The following SUGCT variants were observed in gnomAD, a reference collection of about 807,000 sequenced individuals.
SUGCT encodes the protein succinyl-CoA:glutarate-CoA transferase.
SUGCT carries 41 observed loss-of-function variants against 55.0 expected under a neutral mutation model. That is an observed-to-expected ratio of 0.74 (90% CI 0.58 to 0.97). SUGCT has a LOEUF of 0.97. Among genes scored for constraint, SUGCT ranks in the 50% least tolerant of loss-of-function variants. The pLI is 0.00. For missense variants in SUGCT, 568 were observed against 547.8 expected (o/e 1.04, Z -0.37); for synonymous variants, 187 against 200.4 (o/e 0.93, Z 0.56).
chr7:40,551,241 G>C (rs1451177881), intron 12 of SUGCT, among the ~76,000 whole-genome samples: 1 of 152,148 alleles, frequency 6.6e-6, no homozygotes, highest in Non-Finnish European at 1.5e-5. Context: ...GACGGTTTTG[G>C]CCTTTGCATT....
chr7:40,521,826 A>T (rs1328703195), intron 12 of SUGCT, among the ~76,000 whole-genome samples: 1 of 152,092 alleles, frequency 6.6e-6, no homozygotes, highest in African/African-American at 2.4e-5. Context: ...CATTTGCGCT[A>T]ATAATAGTTG....
intron 8 of SUGCT, among the ~76,000 whole-genome samples, chr7:40,287,960 TATTG>T (rs765569996): frequency 3.9e-5 from 6 of 152,216 alleles, no homozygotes; most frequent in Non-Finnish European, 5.9e-5. Context: ...GTTATTTGGT[TATTG>T]ATTGATTAAC....
intron 12 of SUGCT, among the ~76,000 whole-genome samples, chr7:40,655,019 G>C (rs1056608589): frequency 2.6e-5 from 4 of 152,094 alleles, no homozygotes; most frequent in Non-Finnish European, 4.4e-5. Context: ...ATAATTATAG[G>C]CTAGGTGACT....
chr7:40,789,482 A>G lies in SUGCT; in HGVS notation c.1153+39985A>G, dbSNP rs376981314. 2.5e-4 allele frequency among the ~76,000 whole-genome samples: 38 copies of G among 152,340 alleles called. No homozygotes were observed. In the East Asian group the frequency reaches 6.4e-3, roughly 26 times the overall value. ...AGGATGATCTTCTTTTTTAAGGTCA[A>G]TAATATTCCATTGTATATATATACA... On this transcript the variant is annotated intron_variant, in intron 13 of 13. Transcript: ENST00000335693.
At chr7:40,211,957 A>C (rs1487137335) in intron 6 of SUGCT, among the ~76,000 whole-genome samples, 1 of 152,136 alleles carries the variant, frequency 6.6e-6, no homozygotes, top group Non-Finnish European at 1.5e-5. Context: ...AGATTTTTGA[A>C]GCTCAAAAGG....
intron 6 of SUGCT, among the ~76,000 whole-genome samples, chr7:40,230,968 G>C (rs1318838568): frequency 6.6e-6 from 1 of 152,182 alleles, no homozygotes; most frequent in Non-Finnish European, 1.5e-5. Flanking sequence ...ATTGACAAAA[G>C]TCTAACAGAG....
At chr7:40,859,423 TC>T (rs1209542056) in intron 13 of SUGCT, among the ~76,000 whole-genome samples, 1 of 152,184 alleles carries the variant, frequency 6.6e-6, no homozygotes, top group Non-Finnish European at 1.5e-5. Flanking sequence ...TTTCATGTCC[TC>T]ATGGGAAGAA....
At chr7:40,467,204 G>GAAAAAAAAAAAAAAAAAAA (rs762283927) in intron 11 of SUGCT, among the ~76,000 whole-genome samples, 5 of 83,614 alleles carry the variant, frequency 6.0e-5, no homozygotes, top group African/African-American at 8.5e-5. Flanking sequence ...CTAAGAAAAA[G>GAAAAAAAAAAAAAAAAAAA]AAAAAAAAAA....
intron 12 of SUGCT, among the ~76,000 whole-genome samples, chr7:40,653,880 G>A (rs1254028159): frequency 6.6e-6 from 1 of 151,664 alleles, no homozygotes. Context: ...TTTTGTTGCC[G>A]CTAACAGTAT....
chr7:40,811,718 G>C (rs150011061), intron 13 of SUGCT, among the ~76,000 whole-genome samples: 1 of 152,028 alleles, frequency 6.6e-6, no homozygotes, highest in Admixed American at 6.6e-5. Context: ...CTTAAAGAGA[G>C]ATAGTTTGAC....
chr7:40,237,095 A>C (rs1344830768), intron 6 of SUGCT, among the ~76,000 whole-genome samples: 1 of 151,380 alleles, frequency 6.6e-6, no homozygotes, highest in Admixed American at 6.6e-5. Context: ...AGCCTCCCAA[A>C]GTGCTAGGAT....
intron 1 of SUGCT, among the ~76,000 whole-genome samples, chr7:40,147,140 C>T (rs1788291453): frequency 6.6e-6 from 1 of 152,006 alleles, no homozygotes; most frequent in Non-Finnish European, 1.5e-5. Flanking sequence ...GCTTATGCTG[C>T]TGTTCTCCCC....
chr7:40,854,410 T>TC (rs1412250501), intron 13 of SUGCT, among the ~76,000 whole-genome samples: 3 of 94,576 alleles, frequency 3.2e-5, no homozygotes, highest in Middle Eastern at 5.6e-3. Context: ...TTTCTTTCTT[T>TC]CTTTCTTTCC....
chr7:40,602,083 A>G (rs893207390), intron 12 of SUGCT, among the ~76,000 whole-genome samples: 1 of 152,216 alleles, frequency 6.6e-6, no homozygotes, highest in Non-Finnish European at 1.5e-5. Flanking sequence ...AAGTAATCTC[A>G]GCCCAACTCT....
chr7:40,440,896 T>C (rs1277149984), intron 9 of SUGCT, among the ~76,000 whole-genome samples: 8 of 151,900 alleles, frequency 5.3e-5, no homozygotes, highest in Admixed American at 2.0e-4. Context: ...AGTTTGAGAC[T>C]GCAGTGAGCT....
chr7:40,490,034 A>G (rs1182413168), intron 11 of SUGCT, among the ~76,000 whole-genome samples: 1 of 152,212 alleles, frequency 6.6e-6, no homozygotes, highest in Non-Finnish European at 1.5e-5. Flanking sequence ...TTGCAGCACT[A>G]GAAGGAGCTC....
At chr7:40,862,352 C>A (rs1282862541), downstream of SUGCT, among the ~76,000 whole-genome samples, 4 of 152,120 alleles carry the variant, frequency 2.6e-5, no homozygotes, top group Non-Finnish European at 5.9e-5. Flanking sequence ...GGATTTTGAA[C>A]CTACTGGTCA....
chr7:40,886,869 A>G, the SUGCT span, among the ~76,000 whole-genome samples: 1 of 152,222 alleles, frequency 6.6e-6, no homozygotes, highest in African/African-American at 2.4e-5. Context: ...GTCTATTTAT[A>G]TGAGAAATCA....
At chr7:40,689,301 C>T (rs558210457) in intron 12 of SUGCT, among the ~76,000 whole-genome samples, 1 of 152,250 alleles carries the variant, frequency 6.6e-6, no homozygotes, top group Non-Finnish European at 1.5e-5. Context: ...AAGCAATGAG[C>T]CCCCAAATTC....
Sources: allele counts gnomAD v4.1 joint callset (sites outside exome capture counted in the v4.1 genomes callset), GRCh38; gene constraint gnomAD v4.1.1; transcripts MANE v1.5; gene names NCBI Gene and HGNC (gene_info 2026-07-23, HGNC 2026-07-21).